Variants in GPC6 observed in about 807,000 individuals in gnomAD.
GPC6 encodes the protein glypican-6.
Under a neutral mutation model 55.2 loss-of-function variants are expected in GPC6, and 14 were observed. The observed-to-expected ratio is 0.25, with a 90% CI of 0.17 to 0.40. GPC6 has a LOEUF of 0.40. GPC6 is among the 10% of genes least tolerant of loss of function. GPC6 has a pLI of 1.00. For synonymous variants in GPC6, 278 were observed against 259.6 expected (o/e 1.07, Z -0.68); for missense variants, 641 against 708.5 (o/e 0.90, Z 1.08).
At chr13:93,982,086 T>A (rs1374191300) in intron 3 of GPC6, among the ~76,000 whole-genome samples, 1 of 152,130 alleles carries the variant, frequency 6.6e-6, no homozygotes, top group African/African-American at 2.4e-5. Flanking sequence ...AACAAGAAAT[T>A]TTCTATGGCG....
chr13:93,546,640 C>G (rs774756500), intron 2 of GPC6, among the ~76,000 whole-genome samples: 4 of 152,154 alleles, frequency 2.6e-5, no homozygotes, highest in Non-Finnish European at 5.9e-5. Flanking sequence ...ATGTTGTTCC[C>G]TTAAATGCAG....
intron 3 of GPC6, among the ~76,000 whole-genome samples, chr13:93,984,259 A>G (rs1880927428): frequency 6.6e-6 from 1 of 151,928 alleles, no homozygotes; most frequent in Admixed American, 6.6e-5. Context: ...GGTGGGTGCT[A>G]TTTTTCTTTC....
chr13:94,092,621 C>T (rs143521720), intron 4 of GPC6, among the ~76,000 whole-genome samples: 1 of 152,072 alleles, frequency 6.6e-6, no homozygotes, highest in Admixed American at 6.6e-5. Context: ...TTTGGAGATA[C>T]TGATATTTCC....
chr13:93,640,487 G>C (rs1397024100), intron 2 of GPC6, among the ~76,000 whole-genome samples: 1 of 151,888 alleles, frequency 6.6e-6, no homozygotes, highest in Non-Finnish European at 1.5e-5. Flanking sequence ...ATTTTAGTCT[G>C]TTTCCTAAGT....
intron 1 of GPC6, among the ~76,000 whole-genome samples, chr13:93,383,171 C>T (rs12430278): frequency 0.19 from 29,483 of 152,054 alleles, 3,430 homozygotes; most frequent in East Asian, 0.53. Flanking sequence ...GCATTTGATA[C>T]CTCCCTAACA....
chr13:94,069,094 C>T (rs567140102), intron 4 of GPC6, among the ~76,000 whole-genome samples: 6 of 152,216 alleles, frequency 3.9e-5, no homozygotes, highest in Non-Finnish European at 7.3e-5. Flanking sequence ...CTGCAGCAAA[C>T]TTCTGCCTGG....
At chr13:93,811,733 T>A (rs1041157818) in intron 2 of GPC6, among the ~76,000 whole-genome samples, 1 of 152,154 alleles carries the variant, frequency 6.6e-6, no homozygotes, top group Non-Finnish European at 1.5e-5. Context: ...TTTGACTAAT[T>A]AAAATTATGA....
intron 2 of GPC6, among the ~76,000 whole-genome samples, chr13:93,570,244 T>C (rs1307092221): frequency 6.6e-6 from 1 of 152,198 alleles, no homozygotes; most frequent in Non-Finnish European, 1.5e-5. Context: ...TCTATACTTC[T>C]GTATTAATTA....
chr13:93,371,167 T>C (rs1469863530), intron 1 of GPC6, among the ~76,000 whole-genome samples: 5 of 152,072 alleles, frequency 3.3e-5, no homozygotes, highest in Non-Finnish European at 2.9e-5. Flanking sequence ...CCAAAGGTCA[T>C]TGGGATCAGG....
intron 4 of GPC6, among the ~76,000 whole-genome samples, chr13:94,121,592 G>A (rs767178095): frequency 1.2e-4 from 18 of 152,026 alleles, no homozygotes; most frequent in Non-Finnish European, 1.3e-4. Flanking sequence ...TAGGATACAC[G>A]GCAATACTTA....
chr13:93,660,343 GA>G (rs1184394541), intron 2 of GPC6, among the ~76,000 whole-genome samples: 1 of 151,998 alleles, frequency 6.6e-6, no homozygotes, highest in Middle Eastern at 3.2e-3. Flanking sequence ...GGTAGGTATG[GA>G]AAAAAATTTT....
rs556743055 is a variant in GPC6 at position 94,359,820 on chromosome 13, C to T, written c.1153-22594C>T. On this transcript the variant is annotated intron_variant, in intron 6 of 8. Coordinates refer to ENST00000377047, the MANE Select transcript of GPC6 (RefSeq NM_005708.5). ...GCAATAAAAAGGTGATTCCTCCAAG[C>T]GCTTTGGATTTGGTTGAATCAGATT... 4.6e-5 allele frequency among the ~76,000 whole-genome samples: 7 copies of T among 152,314 alleles called. No individual in the cohort carries two copies. In the South Asian group the frequency reaches 8.3e-4, roughly 18 times the overall value.
At chr13:94,196,143 G>A (rs544116011) in intron 4 of GPC6, among the ~76,000 whole-genome samples, 7 of 151,546 alleles carry the variant, frequency 4.6e-5, no homozygotes, top group South Asian at 4.2e-4. Context: ...AGAGGAAGCC[G>A]GGCCATACTG....
At position 93,364,488 on chromosome 13, in the gene GPC6, C is replaced by T. The variant is rs1344245304; in HGVS notation, c.160+136872C>T. Among the ~76,000 whole-genome samples, 3 of 151,840 alleles carry T rather than the reference C, an allele frequency of 2.0e-5. No homozygotes were observed. The East Asian group carries it at 5.8e-4, about 29-fold the overall frequency. Reference sequence around the variant, plus strand: ...AATAAAGCCTCTGTTGAGGATTAGTCGTTGATGCTATATGTTGCTGTGGTG... The same window carrying T: ...AATAAAGCCTCTGTTGAGGATTAGTTGTTGATGCTATATGTTGCTGTGGTG... On this transcript the variant is annotated intron_variant, in intron 1 of 8. Transcript: ENST00000377047.
intron 3 of GPC6, among the ~76,000 whole-genome samples, chr13:93,910,942 G>C (rs116609507): frequency 6.6e-6 from 1 of 152,180 alleles, no homozygotes; most frequent in Non-Finnish European, 1.5e-5. Flanking sequence ...ATTACCAGCT[G>C]CAGCAATTCA....
intron 3 of GPC6, among the ~76,000 whole-genome samples, chr13:93,944,079 G>A (rs1445149594): frequency 7.9e-5 from 12 of 152,150 alleles, no homozygotes; most frequent in African/African-American, 2.4e-5. Context: ...TACAGTGGCA[G>A]TTTATTGGGT....
intron 1 of GPC6, among the ~76,000 whole-genome samples, chr13:93,336,112 CA>C (rs1880036936): frequency 6.6e-6 from 1 of 152,168 alleles, no homozygotes; most frequent in African/African-American, 2.4e-5. Context: ...CACTGTTTAT[CA>C]ACAGATAAAC....
intron 3 of GPC6, among the ~76,000 whole-genome samples, chr13:93,980,152 C>CT (rs2140403872): frequency 6.6e-6 from 1 of 152,206 alleles, no homozygotes; most frequent in East Asian, 1.9e-4. Context: ...ATACAGTCAG[C>CT]TTGTGCCTGT....
At chr13:94,377,606 A>T (rs1322367154) in intron 6 of GPC6, among the ~76,000 whole-genome samples, 2 of 150,758 alleles carry the variant, frequency 1.3e-5, no homozygotes, top group South Asian at 4.2e-4. Flanking sequence ...TGGGACTGTA[A>T]ACTAGTTCAA....
Sources: gnomAD v4.1 joint callset for allele counts (sites outside exome capture counted in the v4.1 genomes callset) on GRCh38, gnomAD v4.1.1 for gene constraint, MANE v1.5 for transcripts, NCBI Gene and HGNC (gene_info 2026-07-23, HGNC 2026-07-21) for gene names.